Variants in RAB27B observed in about 807,000 individuals in gnomAD.
RAB27B encodes the protein ras-related protein Rab-27B.
Under a neutral mutation model 24.6 loss-of-function variants are expected in RAB27B, and 15 were observed. The ratio of observed to expected loss-of-function variants is 0.61; its 90% CI spans 0.41 to 0.94. The LOEUF (loss-of-function observed/expected upper bound fraction) is 0.94. Among genes scored for constraint, RAB27B ranks in the 40% least tolerant of loss-of-function variants. The pLI is 0.00. For missense variants in RAB27B, 261 were observed against 266.8 expected, an observed-to-expected ratio of 0.98 and a Z score of 0.15; for synonymous variants, 105 against 92.5, an observed-to-expected ratio of 1.14 and a Z score of -0.78.
chr18:54,892,842 G>T lies in RAB27B; in HGVS notation c.*3429G>T, dbSNP rs950122396. On this transcript the variant is annotated 3_prime_UTR_variant, in exon 6 of 6. Coordinates refer to ENST00000262094, the MANE Select transcript of RAB27B (RefSeq NM_004163.4). ...CTTTGTCATCCTTCTACTATAAATT[G>T]TTCTTTGCCAACCTGTACAGGTAGA... The T allele has an allele frequency of 6.6e-6, 1 of 151,982 alleles. No homozygotes were observed. The highest frequency in any genetic ancestry group is 1.5e-5 in the Non-Finnish European group (1 of 67,934). 9.4% of individuals were successfully genotyped at this position (151,982 alleles called of 1,614,324 possible). A position where few individuals can be genotyped will look rare whatever the true frequency, so the allele number is the denominator to read the frequency against.
At chr18:54,869,844 C>T (rs1912392353) in intron 1 of RAB27B, among the ~76,000 whole-genome samples, 1 of 152,098 alleles carries the variant, frequency 6.6e-6, no homozygotes, top group Non-Finnish European at 1.5e-5. Flanking sequence ...GTTTGTACAA[C>T]TCCATATAAG....
chr18:54,829,422 A>G (rs1910589221), intron 1 of RAB27B, among the ~76,000 whole-genome samples: 1 of 152,210 alleles, frequency 6.6e-6, no homozygotes, highest in African/African-American at 2.4e-5. Flanking sequence ...CACCTGTATC[A>G]TGTTTTGTGA....
In RAB27B at chr18:54,879,447, C is replaced by T. The variant is rs1413085158; in HGVS notation, c.232C>T (p.Gln78Ter). ...VHLQLWDTAGQERFRSLTTAF... is the reference protein window; with the variant it reads ...VHLQLWDTAG ...TCTTCAGCTTTGGGACACTGCGGGACAAGAGCGGTAATAGTAAATTGCTTT... is the reference window on the plus strand; with the variant it reads ...TCTTCAGCTTTGGGACACTGCGGGATAAGAGCGGTAATAGTAAATTGCTTT... The change falls in exon 3 of 6, where the codon CAA becomes TAA. Residue 78 changes from glutamine to a stop codon, truncating the protein, a stop_gained. Coordinates refer to ENST00000262094, the MANE Select transcript of RAB27B (RefSeq NM_004163.4). LOFTEE classifies it high-confidence loss of function. 1 of 1,610,110 alleles carries T rather than the reference C, an allele frequency of 6.2e-7. No homozygotes were observed. Among genetic ancestry groups the T allele is most frequent in the Middle Eastern group, 1.7e-4 (1 of 6,054 alleles).
intron 1 of RAB27B, among the ~76,000 whole-genome samples, chr18:54,843,146 T>C (rs12965780): frequency 0.022 from 3,332 of 152,242 alleles, 49 homozygotes; most frequent in Non-Finnish European, 0.034. Flanking sequence ...ATAAAGTAAA[T>C]CACTGTCTTT....
intron 2 of RAB27B, among the ~76,000 whole-genome samples, chr18:54,736,773 T>C (rs1159267029): frequency 6.6e-6 from 1 of 152,060 alleles, no homozygotes; most frequent in Non-Finnish European, 1.5e-5. Flanking sequence ...AGGAAGGAGA[T>C]ATCATGTAGA....
At chr18:54,829,553 G>A (rs1028075380) in intron 1 of RAB27B, among the ~76,000 whole-genome samples, 1 of 152,064 alleles carries the variant, frequency 6.6e-6, no homozygotes, top group African/African-American at 2.4e-5. Flanking sequence ...CAAAATTATT[G>A]TTTAATATAA....
intron 2 of RAB27B, among the ~76,000 whole-genome samples, chr18:54,813,428 G>C (rs1157079603): frequency 6.6e-6 from 1 of 152,190 alleles, no homozygotes; most frequent in African/African-American, 2.4e-5. Flanking sequence ...GAGGTGTTGG[G>C]TCATGGGTTG....
Position 54,891,803 on chromosome 18 carries a change from G to A in RAB27B, c.*2390G>A, listed in dbSNP as rs534246166. The A allele has an allele frequency of 6.6e-6, 1 of 152,088 alleles. No individual in the cohort carries two copies. The highest frequency in any genetic ancestry group is 1.9e-4 in the East Asian group (1 of 5,180). The allele number at this position is 152,088 out of a possible 1,614,324, so 9.4% of individuals were successfully genotyped here. ...GTAGCATGAAGCAGAGGTTGATGAT[G>A]CCCATAATTGCAAGACTATTCCTGT... On this transcript the variant is annotated 3_prime_UTR_variant, in exon 6 of 6. Coordinates refer to ENST00000262094, the MANE Select transcript of RAB27B (RefSeq NM_004163.4).
At chr18:54,842,341 C>T (rs1033580910) in intron 1 of RAB27B, among the ~76,000 whole-genome samples, 2 of 152,082 alleles carry the variant, frequency 1.3e-5, no homozygotes, top group African/African-American at 4.8e-5. Flanking sequence ...CTTACAGAAT[C>T]GCTAGAGGAC....
At chr18:54,747,338 T>C (rs553683261) in intron 2 of RAB27B, among the ~76,000 whole-genome samples, 9 of 152,318 alleles carry the variant, frequency 5.9e-5, no homozygotes, top group African/African-American at 2.2e-4. Flanking sequence ...AATATAATAG[T>C]GATTGTTAAT....
At chr18:54,758,629 A>G (rs1817566862) in intron 2 of RAB27B, among the ~76,000 whole-genome samples, 1 of 79,076 alleles carries the variant, frequency 1.3e-5, no homozygotes, top group Admixed American at 1.6e-4. Context: ...AGCGACCAAA[A>G]ACAATTAAAA....
intron 2 of RAB27B, among the ~76,000 whole-genome samples, chr18:54,747,763 C>A (rs1286320564): frequency 6.6e-6 from 1 of 152,192 alleles, no homozygotes; most frequent in Non-Finnish European, 1.5e-5. Context: ...TAGAACTTTG[C>A]AGCTTGAGTA....
intron 1 of RAB27B, among the ~76,000 whole-genome samples, chr18:54,843,049 G>T (rs1226154819): frequency 6.6e-6 from 1 of 152,166 alleles, no homozygotes; most frequent in Non-Finnish European, 1.5e-5. Context: ...ACCCGCCTCA[G>T]GCTCCCAAAG....
chr18:54,785,844 T>G (rs1440798648), intron 2 of RAB27B, among the ~76,000 whole-genome samples: 1 of 152,212 alleles, frequency 6.6e-6, no homozygotes, highest in Non-Finnish European at 1.5e-5. Context: ...TTCAAATGTC[T>G]TATTTATCAG....
intron 2 of RAB27B, among the ~76,000 whole-genome samples, chr18:54,817,106 T>C (rs567832801): frequency 7.2e-5 from 11 of 152,338 alleles, no homozygotes; most frequent in African/African-American, 2.4e-4. Context: ...AGCAAGAGAT[T>C]CTGTGTTCTT....
At chr18:54,780,916 C>A (rs955801416) in intron 2 of RAB27B, among the ~76,000 whole-genome samples, 19 of 152,198 alleles carry the variant, frequency 1.2e-4, no homozygotes, top group Admixed American at 6.5e-5. Context: ...AGGCTAACAG[C>A]TCATTAGTAG....
At chr18:54,792,358 T>C (rs745481274) in intron 2 of RAB27B, among the ~76,000 whole-genome samples, 12 of 152,156 alleles carry the variant, frequency 7.9e-5, no homozygotes, top group Admixed American at 1.3e-4. Flanking sequence ...GTTGCACCAC[T>C]GTGCTCCAGC....
In RAB27B at chr18:54,889,340, C is replaced by T. The variant is rs1165901346; in HGVS notation, c.584C>T (p.Pro195Leu). Reference sequence around the variant, plus strand: ...CAGTGTGTGGAGAAGACACAAATCCCTGATACTGTCAATGGTGGAAATTCT... The same window carrying T: ...CAGTGTGTGGAGAAGACACAAATCCTTGATACTGTCAATGGTGGAAATTCT... ...MEQCVEKTQI[P>L]DTVNGGNSGN... The change falls in exon 6 of 6, where the codon CCT becomes CTT. Residue 195 changes from proline to leucine, a missense_variant. Coordinates refer to ENST00000262094, the MANE Select transcript of RAB27B (RefSeq NM_004163.4). The T allele has an allele frequency of 1.2e-6, 2 of 1,613,254 alleles. No homozygotes were observed. Among genetic ancestry groups the T allele is most frequent in the Non-Finnish European group, 1.7e-6 (2 of 1,179,530 alleles).
In RAB27B at chr18:54,877,728, A is replaced by G. The variant is rs989535601; in HGVS notation, c.143A>G (p.Glu48Gly). Residue 48 changes from glutamate to glycine, a missense_variant, in exon 2 of 6, where the codon GAA becomes GGA. Physicochemically the swap from Glu to Gly is moderately conservative, Grantham distance 98. Coordinates refer to ENST00000262094, the MANE Select transcript of RAB27B (RefSeq NM_004163.4). The stretch of plus-strand genomic sequence containing the variant: ...ACTACAGTAGGAATAGACTTTCGGG[A>G]AAAACGTGTGGTGAGTTTTTAATCG... ...FITTVGIDFR[E>G]KRVVYNAQGP... 1.1e-5 allele frequency: 18 copies of G among 1,580,846 alleles called. No individual in the cohort carries two copies. The highest frequency in any genetic ancestry group is 1.5e-5 in the Non-Finnish European group (18 of 1,169,848).
Sources: gnomAD v4.1 joint callset for allele counts (sites outside exome capture counted in the v4.1 genomes callset) on GRCh38, gnomAD v4.1.1 for gene constraint, MANE v1.5 for transcripts, NCBI Gene and HGNC (gene_info 2026-07-23, HGNC 2026-07-21) for gene names.